The following NOS1AP variants were observed in gnomAD, a reference collection of about 807,000 sequenced individuals.
The protein encoded by NOS1AP is nitric oxide synthase 1 adaptor protein, also known as carboxyl-terminal PDZ ligand of neuronal nitric oxide synthase protein.
NOS1AP carries 21 observed loss-of-function variants against 56.2 expected under a neutral mutation model. The ratio of observed to expected loss-of-function variants is 0.37; its 90% CI spans 0.26 to 0.54. NOS1AP has a LOEUF of 0.54. NOS1AP is among the 20% of genes least tolerant of loss of function. NOS1AP has a pLI of 0.84. For synonymous variants in NOS1AP, 270 were observed against 274.6 expected (o/e 0.98, Z 0.17); for missense variants, 522 against 657.8 (o/e 0.79, Z 2.26).
intron 2 of NOS1AP, among the ~76,000 whole-genome samples, chr1:162,163,503 C>T (rs1413887893): frequency 6.6e-6 from 1 of 152,170 alleles, no homozygotes; most frequent in Non-Finnish European, 1.5e-5. Flanking sequence ...AACAAAGTCC[C>T]TGTCTGCATG....
intron 1 of NOS1AP, among the ~76,000 whole-genome samples, chr1:162,134,738 T>G (rs879493337): frequency 6.6e-6 from 1 of 152,170 alleles, no homozygotes; most frequent in African/African-American, 2.4e-5. Context: ...GTCCTTCTTA[T>G]CTGTCACTGG....
chr1:162,305,488 T>A (rs993951281), intron 4 of NOS1AP, among the ~76,000 whole-genome samples: 8 of 152,216 alleles, frequency 5.3e-5, no homozygotes, highest in African/African-American at 1.2e-4. Flanking sequence ...TAAATTTTTT[T>A]AATGTATAAT....
chr1:162,111,241 G>A (rs1188059516), intron 1 of NOS1AP, among the ~76,000 whole-genome samples: 1 of 152,182 alleles, frequency 6.6e-6, no homozygotes, highest in Non-Finnish European at 1.5e-5. Context: ...GAAGGAACAA[G>A]TAGAAATTAA....
At position 162,107,171 on chromosome 1, in the gene NOS1AP, C is replaced by T. The variant is rs375926646; in HGVS notation, c.105+36889C>T. 2.0e-4 allele frequency among the ~76,000 whole-genome samples: 30 copies of T among 152,006 alleles called. 1 individual carries two copies. The highest frequency in any genetic ancestry group is 5.5e-4 in the African/African-American group (23 of 41,448). The stretch of plus-strand genomic sequence containing the variant: ...CACTTGTCTAAGAAATAAGAGAATA[C>T]GTATTTTCTTTGATATTTGCTTTCT... On this transcript the variant is annotated intron_variant, in intron 1 of 9. Transcript: ENST00000361897.
intron 5 of NOS1AP, among the ~76,000 whole-genome samples, chr1:162,342,897 A>T (rs1204624759): frequency 6.6e-6 from 1 of 152,218 alleles, no homozygotes; most frequent in Non-Finnish European, 1.5e-5. Flanking sequence ...TGGTGGTGGG[A>T]TGCTTGAGGC....
intron 2 of NOS1AP, among the ~76,000 whole-genome samples, chr1:162,243,539 G>A (rs1018967869): frequency 2.0e-5 from 3 of 152,076 alleles, no homozygotes; most frequent in African/African-American, 4.8e-5. Flanking sequence ...CTTTCAAATC[G>A]GTCTGCCTCT....
chr1:162,364,508 A>C, intron 8 of NOS1AP: 1 of 985,438 alleles, frequency 1.0e-6, no homozygotes, highest in Non-Finnish European at 1.2e-6. Flanking sequence ...TTATCTCCAC[A>C]TAAGTATTGC....
intron 2 of NOS1AP, among the ~76,000 whole-genome samples, chr1:162,209,237 G>T (rs2101644762): frequency 6.6e-6 from 1 of 152,322 alleles, no homozygotes; most frequent in Non-Finnish European, 1.5e-5. Context: ...TGCCCCTTCA[G>T]GGATGGGCAC....
At chr1:162,184,922 T>C (rs1019093388) in intron 2 of NOS1AP, among the ~76,000 whole-genome samples, 1 of 152,214 alleles carries the variant, frequency 6.6e-6, no homozygotes, top group African/African-American at 2.4e-5. Flanking sequence ...AAACAGCACA[T>C]TTATCTTATA....
chr1:162,126,537 CT>C (rs1648498153), intron 1 of NOS1AP, among the ~76,000 whole-genome samples: 2 of 148,884 alleles, frequency 1.3e-5, no homozygotes, highest in Non-Finnish European at 3.0e-5. Flanking sequence ...TTTTTTCTCT[CT>C]GTAATTTTTT....
At chr1:162,107,443 C>T (rs905903706) in intron 1 of NOS1AP, among the ~76,000 whole-genome samples, 4 of 152,320 alleles carry the variant, frequency 2.6e-5, no homozygotes, top group Admixed American at 2.6e-4. Context: ...AAGTGATCCT[C>T]TCACCTCAGC....
At chr1:162,087,906 A>G (rs549982506) in intron 1 of NOS1AP, among the ~76,000 whole-genome samples, 2 of 152,222 alleles carry the variant, frequency 1.3e-5, no homozygotes, top group African/African-American at 4.8e-5. Context: ...TTCAAATGTA[A>G]CTACACATAA....
At chr1:162,214,071 A>G (rs1474542334) in intron 2 of NOS1AP, among the ~76,000 whole-genome samples, 2 of 152,186 alleles carry the variant, frequency 1.3e-5, no homozygotes, top group East Asian at 3.8e-4. Flanking sequence ...CTCAGTGGGG[A>G]CAGGCCATGT....
chr1:162,184,314 A>G (rs1308058534), intron 2 of NOS1AP, among the ~76,000 whole-genome samples: 2 of 152,238 alleles, frequency 1.3e-5, no homozygotes, highest in Non-Finnish European at 2.9e-5. Flanking sequence ...ATCACAAATT[A>G]TCATAACAGA....
chr1:162,177,663 G>T (rs1053194570), intron 2 of NOS1AP, among the ~76,000 whole-genome samples: 1 of 152,162 alleles, frequency 6.6e-6, no homozygotes, highest in African/African-American at 2.4e-5. Context: ...ACTAAATGAT[G>T]TGATTTTTCT....
chr1:162,134,781 A>C (rs1042254723), intron 1 of NOS1AP, among the ~76,000 whole-genome samples: 1 of 152,064 alleles, frequency 6.6e-6, no homozygotes, highest in Non-Finnish European at 1.5e-5. Context: ...TCTATCATCC[A>C]TGAAGCAGCC....
At chr1:162,258,293 G>C (rs1175583661) in intron 2 of NOS1AP, among the ~76,000 whole-genome samples, 1 of 152,190 alleles carries the variant, frequency 6.6e-6, no homozygotes, top group African/African-American at 2.4e-5. Flanking sequence ...CAGGAAGCAT[G>C]TCTTAATTAT....
intron 2 of NOS1AP, among the ~76,000 whole-genome samples, chr1:162,234,945 C>T (rs990606364): frequency 1.2e-4 from 18 of 152,166 alleles, no homozygotes; most frequent in South Asian, 2.1e-4. Flanking sequence ...TCCAACCCCT[C>T]GCTGGTTGTT....
At chr1:162,109,651 A>C (rs1313536798) in intron 1 of NOS1AP, among the ~76,000 whole-genome samples, 2 of 152,098 alleles carry the variant, frequency 1.3e-5, no homozygotes, top group African/African-American at 4.8e-5. Context: ...TCTTAGCATA[A>C]ATAGGGCTCA....
Sources: allele counts gnomAD v4.1 joint callset (sites outside exome capture counted in the v4.1 genomes callset), GRCh38; gene constraint gnomAD v4.1.1; transcripts MANE v1.5; gene names NCBI Gene and HGNC (gene_info 2026-07-23, HGNC 2026-07-21).